The following PDE10A variants were observed in gnomAD, a reference collection of about 807,000 sequenced individuals.
The protein encoded by PDE10A is cAMP and cAMP-inhibited cGMP 3',5'-cyclic phosphodiesterase 10A.
In PDE10A, 39 loss-of-function variants were observed where a neutral mutation model predicts 97.7. The ratio of observed to expected loss-of-function variants is 0.40; its 90% CI spans 0.31 to 0.52. The LOEUF (loss-of-function observed/expected upper bound fraction) is 0.52, where lower values mean the gene tolerates loss of function less well. Ranked by LOEUF, PDE10A falls within the 20% of genes least tolerant of loss-of-function variation. The pLI, the probability that PDE10A is intolerant of heterozygous loss-of-function variation, is 0.56. For synonymous variants in PDE10A, 371 were observed against 376.8 expected (o/e 0.98, Z 0.18); for missense variants, 731 against 1,047.8 (o/e 0.70, Z 4.17).
intron 1 of PDE10A, among the ~76,000 whole-genome samples, chr6:165,812,089 T>C (rs1779299343): frequency 6.6e-6 from 1 of 152,116 alleles, no homozygotes; most frequent in Non-Finnish European, 1.5e-5. Flanking sequence ...CCTGACCTCA[T>C]GATCTGCCCA....
intron 1 of PDE10A, among the ~76,000 whole-genome samples, chr6:165,823,515 TA>T (rs1259208996): frequency 1.3e-3 from 173 of 131,284 alleles, no homozygotes; most frequent in Middle Eastern, 0.012. Context: ...TATATATATA[TA>T]TATATATATG....
intron 2 of PDE10A, among the ~76,000 whole-genome samples, chr6:165,507,086 A>G (rs1781239479): frequency 6.6e-6 from 1 of 152,106 alleles, no homozygotes; most frequent in Non-Finnish European, 1.5e-5. Flanking sequence ...CTGCCTTACA[A>G]CTAGGTTTTT....
chr6:165,598,337 TAA>T (rs1786726927), intron 1 of PDE10A, among the ~76,000 whole-genome samples: 1 of 152,242 alleles, frequency 6.6e-6, no homozygotes, highest in African/African-American at 2.4e-5. Flanking sequence ...ACAGAATGTT[TAA>T]GAGTCACATG....
intron 21 of PDE10A, among the ~76,000 whole-genome samples, chr6:165,333,884 T>C (rs1417956081): frequency 6.6e-6 from 1 of 152,204 alleles, no homozygotes; most frequent in Non-Finnish European, 1.5e-5. Flanking sequence ...CATGGGAATC[T>C]TGGCATTGGG....
At chr6:165,530,308 C>T (rs1217465078) in intron 2 of PDE10A, among the ~76,000 whole-genome samples, 3 of 149,526 alleles carry the variant, frequency 2.0e-5, no homozygotes, top group Admixed American at 6.7e-5. Flanking sequence ...TACACACACA[C>T]CCTATTAGTT....
chr6:165,333,660 TTGTTACAG>T (rs1467667945), intron 21 of PDE10A, among the ~76,000 whole-genome samples: 1 of 152,230 alleles, frequency 6.6e-6, no homozygotes, highest in Non-Finnish European at 1.5e-5. Flanking sequence ...GGAAATTTTC[TTGTTACAG>T]TAAAACCGTG....
chr6:165,837,447 A>G (rs1780094045), intron 1 of PDE10A, among the ~76,000 whole-genome samples: 1 of 151,980 alleles, frequency 6.6e-6, no homozygotes, highest in Admixed American at 6.6e-5. Context: ...GCTTTCAAAC[A>G]TTCCTTTACC....
intron 1 of PDE10A, among the ~76,000 whole-genome samples, chr6:165,930,027 TCA>T (rs1321404708): frequency 1.4e-5 from 2 of 147,404 alleles, no homozygotes; most frequent in African/African-American, 5.1e-5. Context: ...CAGGCACATA[TCA>T]CTCCAGAAAT....
chr6:165,897,986 CG>C (rs1317401172), intron 1 of PDE10A, among the ~76,000 whole-genome samples: 1 of 151,954 alleles, frequency 6.6e-6, no homozygotes. Context: ...GGTCCTTTGC[CG>C]ACCACTCCCG....
rs34272357 is a variant in PDE10A at position 165,604,518 on chromosome 6, TAA to T, written c.865+57427_865+57428del. On this transcript the variant is annotated intron_variant, in intron 1 of 21. Coordinates refer to ENST00000539869, the MANE Select transcript of PDE10A (RefSeq NM_001385079.1). ...ACAAGACTGCACTTACTCTCTTTGT[TAA>T]AAAAAAAAAAAAAAAGTGTTACTAT... Among the ~76,000 whole-genome samples, 1,044 of 137,678 alleles carry T rather than the reference TAA, an allele frequency of 7.6e-3. 6 individuals are homozygous for T. Among genetic ancestry groups the T allele is most frequent in the Middle Eastern group, 0.028 (7 of 254 alleles). The allele number at this position is 137,678 out of a possible 152,430, so 90.3% of individuals were successfully genotyped here. A position where few individuals can be genotyped will look rare whatever the true frequency, so the allele number is the denominator to read the frequency against.
chr6:165,864,674 G>A (rs1360200295), intron 1 of PDE10A, among the ~76,000 whole-genome samples: 1 of 152,120 alleles, frequency 6.6e-6, no homozygotes, highest in Non-Finnish European at 1.5e-5. Context: ...CCATCAAAAA[G>A]ATTAAGACAT....
chr6:165,964,559 G>C (rs1375951788), intron 1 of PDE10A, among the ~76,000 whole-genome samples: 2 of 152,166 alleles, frequency 1.3e-5, no homozygotes, highest in Admixed American at 1.3e-4. Flanking sequence ...TTTACCATGA[G>C]ATGAGTCACG....
Position 165,681,418 on chromosome 6 carries a change from G to C in PDE10A, c.-614-137850C>G, listed in dbSNP as rs772619227. Among the ~76,000 whole-genome samples, 5 of 149,140 alleles carry C rather than the reference G, an allele frequency of 3.4e-5. No homozygotes were observed. In the South Asian group the frequency reaches 8.3e-4, roughly 25 times the overall value. ...AATGTGTGTGTGTGTGTGTGTGTGTGTGTGTGTGTGTCTGTGTGCATTTTC... is the reference window on the plus strand; with the variant it reads ...AATGTGTGTGTGTGTGTGTGTGTGTCTGTGTGTGTGTCTGTGTGCATTTTC... On this transcript the variant is annotated intron_variant, in intron 1 of 19. Coordinates refer to the PDE10A transcript ENST00000366882.
chr6:165,565,111 A>G (rs918185156), intron 1 of PDE10A, among the ~76,000 whole-genome samples: 2 of 152,252 alleles, frequency 1.3e-5, no homozygotes, highest in African/African-American at 4.8e-5. Flanking sequence ...CTAATGCAAT[A>G]AGACAAGAAT....
chr6:165,984,833 A>G (rs1785135128), intron 1 of PDE10A, among the ~76,000 whole-genome samples: 1 of 152,028 alleles, frequency 6.6e-6, no homozygotes, highest in Non-Finnish European at 1.5e-5. Flanking sequence ...ATTCTTCTCA[A>G]CTCCTTCCAG....
At chr6:165,830,775 A>G (rs1413460187) in intron 1 of PDE10A, among the ~76,000 whole-genome samples, 1 of 152,146 alleles carries the variant, frequency 6.6e-6, no homozygotes, top group Non-Finnish European at 1.5e-5. Flanking sequence ...TTAAACTTCA[A>G]TTCTCCCCCA....
At chr6:165,886,383 G>T (rs1467228582) in intron 1 of PDE10A, among the ~76,000 whole-genome samples, 1 of 150,692 alleles carries the variant, frequency 6.6e-6, no homozygotes, top group Non-Finnish European at 1.5e-5. Context: ...GAGCCCTGGA[G>T]CCAGAAGCCC....
At position 165,986,540 on chromosome 6, in the gene PDE10A, T is replaced by TCTGC. The variant is rs1220264158; in HGVS notation, c.-615+988_-615+989insGCAG. The TCTGC allele has an allele frequency of 2.6e-5, 4 of 151,908 alleles. No homozygotes were observed. In the East Asian group the frequency reaches 5.8e-4, roughly 22 times the overall value. 9.4% of individuals were successfully genotyped at this position (151,908 alleles called of 1,614,324 possible). A position where few individuals can be genotyped will look rare whatever the true frequency, so the allele number is the denominator to read the frequency against. On this transcript the variant is annotated intron_variant, in intron 1 of 19. Transcript: ENST00000366882. ...CTCTCTCTCTCTCTCTCTCTCTCTC[T>TCTGC]CTCTGCCTCTCCCTCTCCCTCTCTC...
At chr6:165,863,493 C>T (rs936572135) in intron 1 of PDE10A, among the ~76,000 whole-genome samples, 4 of 152,172 alleles carry the variant, frequency 2.6e-5, no homozygotes, top group African/African-American at 7.2e-5. Context: ...CAGGAAGCTC[C>T]GAGCCCAATT....
Sources: allele counts gnomAD v4.1 joint callset (sites outside exome capture counted in the v4.1 genomes callset), GRCh38; gene constraint gnomAD v4.1.1; transcripts MANE v1.5; gene names NCBI Gene and HGNC (gene_info 2026-07-23, HGNC 2026-07-21).